The following ZMAT4 variants were observed in gnomAD, a reference collection of about 807,000 sequenced individuals.
The protein encoded by ZMAT4 is zinc finger matrin-type protein 4.
In ZMAT4, 17 loss-of-function variants were observed where a neutral mutation model predicts 28.7. The ratio of observed to expected loss-of-function variants is 0.59; its 90% CI spans 0.41 to 0.89. The LOEUF (loss-of-function observed/expected upper bound fraction) is 0.89. Ranked by LOEUF, ZMAT4 falls within the 40% of genes least tolerant of loss-of-function variation. The probability of loss-of-function intolerance (pLI) is 0.00; values close to 1 mark genes in which losing one functional copy is unlikely to be tolerated. For synonymous variants in ZMAT4, 117 were observed against 109.2 expected, an observed-to-expected ratio of 1.07 and a Z score of -0.44; for missense variants, 240 against 283.8, an observed-to-expected ratio of 0.85 and a Z score of 1.11.
chr8:40,695,528 C>T (rs538309822), intron 4 of ZMAT4, among the ~76,000 whole-genome samples: 1 of 152,332 alleles, frequency 6.6e-6, no homozygotes, highest in South Asian at 2.1e-4. Flanking sequence ...TATCCAGCAA[C>T]CTGGTTTCTG....
chr8:40,630,640 C>T (rs1024794861), intron 5 of ZMAT4, among the ~76,000 whole-genome samples: 1 of 152,190 alleles, frequency 6.6e-6, no homozygotes, highest in African/African-American at 2.4e-5. Flanking sequence ...CGAAAAGATA[C>T]TGTAAGCTGT....
chr8:40,724,971 C>T (rs1314190429), intron 3 of ZMAT4, among the ~76,000 whole-genome samples: 2 of 152,160 alleles, frequency 1.3e-5, no homozygotes, highest in Non-Finnish European at 2.9e-5. Flanking sequence ...CAGCATTATA[C>T]TTCTTGTTTA....
At chr8:40,846,087 A>T (rs1027964865) in intron 1 of ZMAT4, among the ~76,000 whole-genome samples, 1 of 152,192 alleles carries the variant, frequency 6.6e-6, no homozygotes, top group Non-Finnish European at 1.5e-5. Context: ...TCAAACTTTC[A>T]CTAAACAGTC....
chr8:40,552,514 A>G (rs1203111277), intron 6 of ZMAT4, among the ~76,000 whole-genome samples: 4 of 152,196 alleles, frequency 2.6e-5, no homozygotes, highest in Non-Finnish European at 5.9e-5. Context: ...AGGAGACTTC[A>G]ATACATTTAA....
At chr8:40,688,026 C>G (rs1217586765) in intron 4 of ZMAT4, among the ~76,000 whole-genome samples, 3 of 152,172 alleles carry the variant, frequency 2.0e-5, no homozygotes, top group Admixed American at 1.3e-4. Flanking sequence ...GAGGATTGCA[C>G]TCAGAATGCC....
At chr8:40,679,673 G>A (rs1215938458) in intron 4 of ZMAT4, among the ~76,000 whole-genome samples, 1 of 152,170 alleles carries the variant, frequency 6.6e-6, no homozygotes, top group Non-Finnish European at 1.5e-5. Flanking sequence ...GACAAATGGA[G>A]ATTATGAGAA....
chr8:40,552,583 T>C (rs1268945851), intron 6 of ZMAT4, among the ~76,000 whole-genome samples: 2 of 152,146 alleles, frequency 1.3e-5, no homozygotes. Flanking sequence ...GCCAGAGACA[T>C]TATATTTTAA....
intron 6 of ZMAT4, among the ~76,000 whole-genome samples, chr8:40,541,430 G>T (rs1803024947): frequency 1.3e-5 from 2 of 152,126 alleles, no homozygotes; most frequent in Admixed American, 1.3e-4. Flanking sequence ...TAATGGTCTA[G>T]TCTACACTGC....
At chr8:40,617,223 G>T (rs1806040458) in intron 5 of ZMAT4, among the ~76,000 whole-genome samples, 1 of 152,102 alleles carries the variant, frequency 6.6e-6, no homozygotes, top group South Asian at 2.1e-4. Flanking sequence ...GCTTTTTCTT[G>T]CACTAGAATT....
Position 40,682,238 on chromosome 8 carries a change from A to G in ZMAT4, c.350-7307T>C, listed in dbSNP as rs941578353. 5.9e-5 allele frequency among the ~76,000 whole-genome samples: 9 copies of G among 152,210 alleles called. No individual in the cohort carries two copies. The East Asian group carries it at 1.7e-3, about 29-fold the overall frequency. ...TACCTTGTTTTACTACAAAGTCTAA[A>G]AAACACTGCTTAGGGACCTTGTGGT... On this transcript the variant is annotated intron_variant, in intron 4 of 6. Coordinates refer to ENST00000297737, the MANE Select transcript of ZMAT4 (RefSeq NM_024645.3).
chr8:40,887,656 C>A (rs1818509916), intron 1 of ZMAT4, among the ~76,000 whole-genome samples: 1 of 152,158 alleles, frequency 6.6e-6, no homozygotes, highest in East Asian at 1.9e-4. Flanking sequence ...TTCTCTCTTC[C>A]TGCAACCCCG....
intron 6 of ZMAT4, among the ~76,000 whole-genome samples, chr8:40,555,309 G>A (rs1324008403): frequency 2.0e-5 from 3 of 152,120 alleles, no homozygotes; most frequent in African/African-American, 7.2e-5. Flanking sequence ...ATATACTGAT[G>A]TATTTTCCTT....
chr8:40,833,429 G>A (rs1295808262), intron 1 of ZMAT4, among the ~76,000 whole-genome samples: 2 of 151,382 alleles, frequency 1.3e-5, no homozygotes, highest in African/African-American at 4.9e-5. Context: ...TTAGCCAGGT[G>A]TGGTGGTGCG....
intron 5 of ZMAT4, among the ~76,000 whole-genome samples, chr8:40,671,066 C>CA (rs34621757): frequency 0.011 from 1,325 of 123,530 alleles, 18 homozygotes; most frequent in African/African-American, 0.036. Context: ...GACTCCATCT[C>CA]AAAAAAAAAA....
chr8:40,718,729 T>A (rs1172433422), intron 3 of ZMAT4, among the ~76,000 whole-genome samples: 3 of 152,056 alleles, frequency 2.0e-5, no homozygotes, highest in Non-Finnish European at 4.4e-5. Context: ...AGCAAAAAAA[T>A]TTGTAGCACA....
intron 3 of ZMAT4, among the ~76,000 whole-genome samples, chr8:40,702,986 T>G (rs1220335861): frequency 6.6e-6 from 1 of 152,058 alleles, no homozygotes; most frequent in Admixed American, 6.5e-5. Context: ...ATAGCAGTGT[T>G]GTGAGGCTAA....
At chr8:40,597,782 A>G (rs1805153007) in intron 5 of ZMAT4, among the ~76,000 whole-genome samples, 1 of 152,214 alleles carries the variant, frequency 6.6e-6, no homozygotes, top group Non-Finnish European at 1.5e-5. Flanking sequence ...GAAATTATAT[A>G]AACATTAAAA....
At chr8:40,650,386 A>G (rs1004583748) in intron 5 of ZMAT4, among the ~76,000 whole-genome samples, 3 of 138,660 alleles carry the variant, frequency 2.2e-5, no homozygotes, top group African/African-American at 7.7e-5. Context: ...GAAGAAGTTG[A>G]ATCTCTGAAT....
intron 1 of ZMAT4, among the ~76,000 whole-genome samples, 153 bp downstream of exon 1, chr8:40,897,530 G>A (rs904923701): frequency 1.3e-5 from 2 of 152,198 alleles, no homozygotes; most frequent in African/African-American, 2.4e-5. Context: ...TTGTCCGCTT[G>A]TTTTCCTCCC....
Sources: gnomAD v4.1 joint callset for allele counts (sites outside exome capture counted in the v4.1 genomes callset) on GRCh38, gnomAD v4.1.1 for gene constraint, MANE v1.5 for transcripts, NCBI Gene and HGNC (gene_info 2026-07-23, HGNC 2026-07-21) for gene names.